Variants in DIP2A observed in about 807,000 individuals in gnomAD.
DIP2A encodes disco-interacting protein 2 homolog A.
Under a neutral mutation model 177.4 loss-of-function variants are expected in DIP2A, and 85 were observed. That is an observed-to-expected ratio of 0.48 (90% CI 0.40 to 0.57). DIP2A has a LOEUF of 0.57. Ranked by LOEUF, DIP2A falls within the 20% of genes least tolerant of loss-of-function variation. The pLI is 0.00. For synonymous variants in DIP2A, 886 were observed against 881.8 expected, an observed-to-expected ratio of 1.00 and a Z score of -0.08; for missense variants, 1,791 against 2,100.2, an observed-to-expected ratio of 0.85 and a Z score of 2.88.
intron 25 of DIP2A, chr21:46,553,076 T>A (rs1374736627): frequency 1.3e-5 from 2 of 151,598 alleles, no homozygotes; most frequent in South Asian, 4.2e-4. Flanking sequence ...AGGCTGGGGG[T>A]CGCTGGGTTT....
chr21:46,557,838 CA>C lies in DIP2A; in HGVS notation c.3798+87del. 1 of 1,467,986 alleles carries C rather than the reference CA, an allele frequency of 6.8e-7. No individual in the cohort carries two copies. The highest frequency in any genetic ancestry group is 9.2e-7 in the Non-Finnish European group (1 of 1,088,192). 90.9% of individuals were successfully genotyped at this position (1,467,986 alleles called of 1,614,324 possible). Reference sequence around the variant, plus strand: ...AAACAACAAAACAAAACAAGACTCCCAAGGCCCCTCCCTGCAGTTGGAGGAA... The same window carrying C: ...AAACAACAAAACAAAACAAGACTCCCAGGCCCCTCCCTGCAGTTGGAGGAA... On this transcript the variant is annotated intron_variant, in intron 31 of 37. Transcript: ENST00000417564. The surrounding 1 kb of genome is among the most constrained non-coding windows in gnomAD (Gnocchi z 6.0).
chr21:46,565,614 G>GT, intron 35 of DIP2A, 99 bp from the exon 36 acceptor site: 1 of 1,278,518 alleles, frequency 7.8e-7, no homozygotes, highest in Non-Finnish European at 1.1e-6. Flanking sequence ...TTCGTTCAGT[G>GT]TTTTCTGGAG....
chr21:46,567,540 G>C lies in DIP2A; in HGVS notation c.4634G>C (p.Arg1545Pro). 1 of 1,613,842 alleles carries C rather than the reference G, an allele frequency of 6.2e-7. No homozygotes were observed. Among genetic ancestry groups the C allele is most frequent in the Non-Finnish European group, 8.5e-7 (1 of 1,179,848 alleles). Residue 1545 changes from arginine to proline, a missense_variant, in exon 38 of 38, where the codon CGG (arginine) becomes CCG (proline). Coordinates refer to ENST00000417564, the MANE Select transcript of DIP2A (RefSeq NM_015151.4). Reference protein sequence around the residue: ...VDPGVIPINSRGEKQRMHLRD... With the variant: ...VDPGVIPINSPGEKQRMHLRD... ...CCAGGGGTGATCCCTATCAACTCTC[G>C]GGGTGAGAAGCAGCGCATGCACCTG...
chr21:46,477,543 T>TTTTGTGTGTGTGTGTGTGTGTGAGTG (rs374607636), intron 1 of DIP2A, among the ~76,000 whole-genome samples: 1 of 87,094 alleles, frequency 1.1e-5, no homozygotes, highest in African/African-American at 4.3e-5. Context: ...AAAAAAAGAT[T>TTTTGTGTGTGTGTGTGTGTGTGAGTG]TGTGTGTGTG....
chr21:46,501,912 T>C (rs529713554), intron 5 of DIP2A, among the ~76,000 whole-genome samples: 6 of 152,340 alleles, frequency 3.9e-5, no homozygotes, highest in South Asian at 4.1e-4. Context: ...AGCATCAGGC[T>C]TTTTCAAGGG....
chr21:46,494,848 A>G (rs913216109), intron 3 of DIP2A, among the ~76,000 whole-genome samples: 1 of 152,040 alleles, frequency 6.6e-6, no homozygotes, highest in African/African-American at 2.4e-5. Flanking sequence ...TTGTTTGACC[A>G]TTTCCTGGTT....
chr21:46,548,324 C>A (rs764619927), intron 21 of DIP2A, among the ~76,000 whole-genome samples: 1 of 152,090 alleles, frequency 6.6e-6, no homozygotes, highest in Non-Finnish European at 1.5e-5. Flanking sequence ...CAAGGTAGCC[C>A]AAACCCTGCT....
intron 5 of DIP2A, among the ~76,000 whole-genome samples, chr21:46,500,080 C>T (rs1216744195): frequency 6.6e-6 from 1 of 152,178 alleles, no homozygotes; most frequent in Admixed American, 6.5e-5. Context: ...TGGCCCACAG[C>T]TTCTGTCTCA....
intron 7 of DIP2A, among the ~76,000 whole-genome samples, chr21:46,510,825 G>A (rs1046857348): frequency 6.6e-6 from 1 of 151,906 alleles, no homozygotes; most frequent in Non-Finnish European, 1.5e-5. Context: ...AGTAGAGACA[G>A]GGTTTCACCA....
chr21:46,541,362 C>T (rs1220157924), intron 17 of DIP2A, among the ~76,000 whole-genome samples: 1 of 152,182 alleles, frequency 6.6e-6, no homozygotes, highest in East Asian at 1.9e-4. Flanking sequence ...AGGCCCCCAC[C>T]TGGTCTCTCA....
At chr21:46,519,040 G>A (rs1353310585) in intron 8 of DIP2A, among the ~76,000 whole-genome samples, 1 of 152,206 alleles carries the variant, frequency 6.6e-6, no homozygotes, top group African/African-American at 2.4e-5. Flanking sequence ...GGGGTGGGCA[G>A]TTTCTGGAAC....
chr21:46,492,109 GT>G (rs1315999408), intron 3 of DIP2A, among the ~76,000 whole-genome samples: 5 of 151,868 alleles, frequency 3.3e-5, no homozygotes, highest in Non-Finnish European at 2.9e-5. Context: ...GTAGTTTTAG[GT>G]TTTTTAGTGC....
chr21:46,490,865 T>C, intron 3 of DIP2A, 146 bp downstream of exon 3: 1 of 1,105,404 alleles, frequency 9.0e-7, no homozygotes, highest in Non-Finnish European at 1.2e-6. Context: ...CATCATCATA[T>C]TTTTTTCAAG....
chr21:46,459,301 CGCGCG>C, intron 1 of DIP2A, 79 bp downstream of exon 1: 1 of 1,275,834 alleles, frequency 7.8e-7, no homozygotes, highest in African/African-American at 1.7e-5. Flanking sequence ...CCGGGACCCC[CGCGCG>C]GCCCCTCACT....
chr21:46,534,620 C>T lies in DIP2A; in HGVS notation c.1575C>T (p.Val525=), dbSNP rs1179933947. The change falls in exon 13 of 38, where the codon GTC becomes GTT. Residue 525 remains valine, a synonymous_variant. Coordinates refer to ENST00000417564, the MANE Select transcript of DIP2A (RefSeq NM_015151.4). The part of the protein sequence containing the change: ...KTSKEGSTVG[V]TVSHASLLAQ... ...GCAAAGAAGGCAGTACGGTGGGGGT[C>T]ACAGTGTCCCACGCATCCCTGCTGG... The T allele has an allele frequency of 3.1e-6, 5 of 1,613,056 alleles. No individual in the cohort carries two copies. The African/African-American group carries it at 4.0e-5, about 13-fold the overall frequency.
Position 46,547,019 on chromosome 21 carries a change from C to T in DIP2A, c.2499C>T (p.Pro833=), listed in dbSNP as rs1569086574. Residue 833 remains proline (P), a synonymous_variant, in exon 21 of 38, where the codon CCC becomes CCT. Coordinates refer to ENST00000417564, the MANE Select transcript of DIP2A (RefSeq NM_015151.4). ...DVVATALAVE[P]MKFVYRGRIA... is the part of the protein sequence containing the mutation. ...TGGCCACCGCACTGGCCGTGGAGCC[C>T]ATGAAGTTTGTCTACAGAGGCAGGT... 2 of 1,613,960 alleles carry T rather than the reference C, an allele frequency of 1.2e-6. No homozygotes were observed. The highest frequency in any genetic ancestry group is 1.3e-5 in the African/African-American group (1 of 75,042).
At chr21:46,520,836 C>G (rs1211733037) in intron 8 of DIP2A, among the ~76,000 whole-genome samples, 1 of 152,182 alleles carries the variant, frequency 6.6e-6, no homozygotes, top group Non-Finnish European at 1.5e-5. Context: ...CATTTCATAT[C>G]TGACAGTGCT....
chr21:46,459,377 C>T (rs1390200048), intron 1 of DIP2A, among the ~76,000 whole-genome samples, 155 bp downstream of exon 1: 1 of 149,356 alleles, frequency 6.7e-6, no homozygotes, highest in African/African-American at 2.5e-5. Flanking sequence ...GGACCTCTGC[C>T]CCTCAACGGG....
At position 46,484,843 on chromosome 21, in the gene DIP2A, C is replaced by T. The variant is rs749934152; in HGVS notation, c.163+15C>T. 1.9e-6 allele frequency: 3 copies of T among 1,553,344 alleles called. No individual in the cohort carries two copies. Among genetic ancestry groups the T allele is most frequent in the East Asian group, 4.7e-5 (2 of 42,956 alleles). On this transcript the variant is annotated intron_variant, in intron 2 of 37. Transcript: ENST00000417564. Reference sequence around the variant, plus strand: ...GCTTATTCAAGGTAAGGTCAATACACTCAGGTGTTACATAGCAATTATATT... The same window carrying T: ...GCTTATTCAAGGTAAGGTCAATACATTCAGGTGTTACATAGCAATTATATT...
Sources: allele counts gnomAD v4.1 joint callset (sites outside exome capture counted in the v4.1 genomes callset), GRCh38; gene constraint gnomAD v4.1.1; non-coding constraint Gnocchi (gnomAD v3.1); transcripts MANE v1.5; gene names NCBI Gene and HGNC (gene_info 2026-07-23, HGNC 2026-07-21).